PTPRU: variants seen among roughly 807,000 people sequenced by gnomAD.
The protein encoded by PTPRU is receptor-type tyrosine-protein phosphatase U.
Under a neutral mutation model 166.3 loss-of-function variants are expected in PTPRU, and 69 were observed. The observed-to-expected ratio is 0.41, with a 90% CI of 0.34 to 0.51. The LOEUF is 0.51. Ranked by LOEUF, PTPRU falls within the 20% of genes least tolerant of loss-of-function variation. PTPRU has a pLI of 0.09. For synonymous variants in PTPRU, 793 were observed against 814.0 expected (o/e 0.97, Z 0.44); for missense variants, 1,657 against 2,013.7 (o/e 0.82, Z 3.39).
chr1:29,294,305 C>T (rs189404062), intron 15 of PTPRU, among the ~76,000 whole-genome samples: 1 of 152,304 alleles, frequency 6.6e-6, no homozygotes, highest in Admixed American at 6.5e-5. Context: ...TCTTAATTTG[C>T]ATTTCACTGA....
intron 21 of PTPRU, among the ~76,000 whole-genome samples, chr1:29,312,086 A>G (rs1687690844): frequency 6.6e-6 from 1 of 152,240 alleles, no homozygotes; most frequent in African/African-American, 2.4e-5. Context: ...ACAGAAAGTG[A>G]GGCTCAGAGG....
intron 7 of PTPRU, among the ~76,000 whole-genome samples, chr1:29,263,965 C>A (rs924184218): frequency 6.6e-6 from 1 of 151,972 alleles, no homozygotes; most frequent in African/African-American, 2.4e-5. Context: ...TCATTTGAGG[C>A]CAGGAGTTTG....
intron 1 of PTPRU, among the ~76,000 whole-genome samples, chr1:29,250,926 T>A (rs1201930745): frequency 6.6e-6 from 1 of 152,138 alleles, no homozygotes; most frequent in African/African-American, 2.4e-5. Context: ...GAGACGGACA[T>A]GGGTCAGGGA....
At chr1:29,269,723 G>A in intron 7 of PTPRU, among the ~76,000 whole-genome samples, 1 of 152,072 alleles carries the variant, frequency 6.6e-6, no homozygotes, top group East Asian at 1.9e-4. Flanking sequence ...TATAGCATCA[G>A]GCGAAGGCAT....
intron 29 of PTPRU, 32 bp downstream of exon 29, chr1:29,325,358 C>T (rs775814538): frequency 8.7e-6 from 14 of 1,611,340 alleles, no homozygotes; most frequent in Non-Finnish European, 1.2e-5. Context: ...CCAGCCACTT[C>T]CACCTTCCTG....
At chr1:29,293,229 T>G (rs1411626656) in intron 15 of PTPRU, among the ~76,000 whole-genome samples, 1 of 152,114 alleles carries the variant, frequency 6.6e-6, no homozygotes, top group Non-Finnish European at 1.5e-5. Flanking sequence ...CCACCCACCT[T>G]GGCCTCCCAG....
intron 15 of PTPRU, among the ~76,000 whole-genome samples, chr1:29,297,669 C>T (rs907919384): frequency 2.0e-5 from 3 of 152,042 alleles, no homozygotes; most frequent in Non-Finnish European, 2.9e-5. Context: ...CTAGAGAGAG[C>T]GGGAGATCAG....
rs1685976222 is a variant in PTPRU at position 29,279,750 on chromosome 1, G to T, written c.1765+93G>T. 6.2e-6 allele frequency: 9 copies of T among 1,442,240 alleles called. No individual in the cohort carries two copies. In the South Asian group the frequency reaches 8.2e-5, roughly 13 times the overall value. The allele number at this position is 1,442,240 out of a possible 1,614,324, so 89.3% of individuals were successfully genotyped here. On this transcript the variant is annotated intron_variant, in intron 10 of 29. Transcript: ENST00000373779. The surrounding 1 kb of genome is among the most constrained non-coding windows in gnomAD (Gnocchi z 5.2). Reference sequence around the variant, plus strand: ...AAGGGAAATGGGGGGCATCCTGGGGGTAGTTACAGAGGGCCCCTGCTGAGA... The same window carrying T: ...AAGGGAAATGGGGGGCATCCTGGGGTTAGTTACAGAGGGCCCCTGCTGAGA...
chr1:29,258,624 C>A lies in PTPRU; in HGVS notation c.325C>A (p.Arg109=), dbSNP rs142872520. ...CVQFSYFLYS[R]DGHSPGTLGV... ...GCAGTTCAGCTACTTCCTGTACAGC[C>A]GGGACGGGCACAGCCCGGGCACCCT... Residue 109 remains arginine, a synonymous_variant, in exon 3 of 30, where the codon CGG becomes AGG. Coordinates refer to ENST00000373779, the MANE Select transcript of PTPRU (RefSeq NM_133178.4). 1 of 1,614,242 alleles carries A rather than the reference C, an allele frequency of 6.2e-7. No homozygotes were observed. Among genetic ancestry groups the A allele is most frequent in the Non-Finnish European group, 8.5e-7 (1 of 1,180,044 alleles).
intron 1 of PTPRU, among the ~76,000 whole-genome samples, chr1:29,242,094 G>A (rs1684085868): frequency 6.6e-6 from 1 of 152,154 alleles, no homozygotes; most frequent in South Asian, 2.1e-4. Flanking sequence ...GTTTCACCAT[G>A]TTGGCCAGGC....
At position 29,260,940 on chromosome 1, in the gene PTPRU, T is replaced by G. The variant is rs375450521; in HGVS notation, c.1144+37T>G. The stretch of plus-strand genomic sequence containing the variant: ...AGCTACCCCTGGCCTCAGTCTCTGG[T>G]GGGCCCAGGGCTATGGAGGGGCGCA... On this transcript the variant is annotated intron_variant, in intron 7 of 29. Transcript: ENST00000373779. The surrounding 1 kb of genome is among the most constrained non-coding windows in gnomAD (Gnocchi z 8.3). 1.3e-6 allele frequency: 2 copies of G among 1,501,328 alleles called. No individual in the cohort carries two copies. 93.0% of individuals were successfully genotyped at this position (1,501,328 alleles called of 1,614,324 possible). A position where few individuals can be genotyped will look rare whatever the true frequency, so the allele number is the denominator to read the frequency against.
At chr1:29,298,982 T>G (rs1203997267) in intron 15 of PTPRU, among the ~76,000 whole-genome samples, 1 of 152,182 alleles carries the variant, frequency 6.6e-6, no homozygotes, top group Non-Finnish European at 1.5e-5. Flanking sequence ...GGAAAGAAAC[T>G]TACTTGCTAA....
chr1:29,259,599 G>GCCC, intron 5 of PTPRU, 35 bp downstream of exon 5: 3 of 1,467,292 alleles, frequency 2.0e-6, no homozygotes, highest in East Asian at 2.3e-5. Flanking sequence ...TGGGGGCGGG[G>GCCC]TGGGAGGGGG....
At chr1:29,270,577 G>A (rs1189145137) in intron 7 of PTPRU, among the ~76,000 whole-genome samples, 1 of 152,174 alleles carries the variant, frequency 6.6e-6, no homozygotes, top group African/African-American at 2.4e-5. Flanking sequence ...TGAGATTACA[G>A]GCATGAGCTA....
intron 5 of PTPRU, 36 bp downstream of exon 5, chr1:29,259,600 T>TGATTTGGGGGGGGGGGGGGGG: frequency 3.9e-6 from 1 of 253,678 alleles, no homozygotes; most frequent in Non-Finnish European, 7.7e-6. Flanking sequence ...GGGGGCGGGG[T>TGATTTGGGGGGGGGGGGGGGG]GGGAGGGGGT....
Position 29,236,681 on chromosome 1 carries a change from T to C in PTPRU, c.37T>C (p.Phe13Leu). The C allele has an allele frequency of 6.8e-7, 1 of 1,467,950 alleles. No homozygotes were observed. Among genetic ancestry groups the C allele is most frequent in the Non-Finnish European group, 9.0e-7 (1 of 1,112,018 alleles). 90.9% of individuals were successfully genotyped at this position (1,467,950 alleles called of 1,614,324 possible). A position where few individuals can be genotyped will look rare whatever the true frequency, so the allele number is the denominator to read the frequency against. ...CCAGGCGCTCGTGCTGGCACTCACC[T>C]TCCAGCTCTGCGCGCCGGAGACCGA... ...RAQALVLALT[F>L]QLCAPETETP... is the part of the protein sequence containing the mutation. The change falls in exon 1 of 30, where the codon TTC (phenylalanine) becomes CTC (leucine). Residue 13 changes from phenylalanine to leucine, a missense_variant. This residue lies in a region of PTPRU where 453 missense variants were observed against 496.9 expected (regional missense o/e 0.91). Transcript: ENST00000373779. The surrounding 1 kb of genome is among the most constrained non-coding windows in gnomAD (Gnocchi z 4.6).
At chr1:29,301,942 C>A (rs571320873) in intron 15 of PTPRU, among the ~76,000 whole-genome samples, 1 of 152,230 alleles carries the variant, frequency 6.6e-6, no homozygotes, top group South Asian at 2.1e-4. Flanking sequence ...CATAGTATTC[C>A]ATAGTGTGTA....
rs1684832552 is a variant in PTPRU at position 29,257,676 on chromosome 1, A to G, written c.206-829A>G. Among the ~76,000 whole-genome samples the G allele has an allele frequency of 6.6e-6, 1 of 152,208 alleles. No individual in the cohort carries two copies. On this transcript the variant is annotated intron_variant, in intron 2 of 29. Coordinates refer to ENST00000373779, the MANE Select transcript of PTPRU (RefSeq NM_133178.4). This position sits in a 1 kb window ranked among gnomAD's most constrained non-coding sequence, Gnocchi z 4.6. ...CTGGAAGGGAAGTTGGAATCCTTTC[A>G]TTCAATCTCTGTTCTACATATTCAT...
intron 1 of PTPRU, among the ~76,000 whole-genome samples, chr1:29,251,139 G>A (rs1684525919): frequency 6.6e-6 from 1 of 152,156 alleles, no homozygotes; most frequent in Admixed American, 6.5e-5. Flanking sequence ...TATAATTCCA[G>A]CTACTTTGCA....
Sources: gnomAD v4.1 joint callset for allele counts (sites outside exome capture counted in the v4.1 genomes callset) on GRCh38, gnomAD v4.1.1 for gene constraint, gnomAD v4.1.1 regional missense constraint, Gnocchi (gnomAD v3.1) non-coding constraint, MANE v1.5 for transcripts, NCBI Gene and HGNC (gene_info 2026-07-23, HGNC 2026-07-21) for gene names.